Variants in SEC31A observed in about 807,000 individuals in gnomAD.
SEC31A encodes SEC31 homolog A, COPII component, also known as protein transport protein Sec31A.
Under a neutral mutation model 151.0 loss-of-function variants are expected in SEC31A, and 70 were observed. That is an observed-to-expected ratio of 0.46 (90% CI 0.38 to 0.57). The LOEUF (loss-of-function observed/expected upper bound fraction) is 0.57, where lower values mean the gene tolerates loss of function less well. SEC31A is among the 20% of genes least tolerant of loss of function. SEC31A has a pLI of 0.00. For missense variants in SEC31A, 1,330 were observed against 1,471.2 expected, an observed-to-expected ratio of 0.90 and a Z score of 1.57; for synonymous variants, 475 against 505.9, an observed-to-expected ratio of 0.94 and a Z score of 0.82.
chr4:82,864,934 C>G (rs1330852767), intron 10 of SEC31A, among the ~76,000 whole-genome samples: 1 of 152,054 alleles, frequency 6.6e-6, no homozygotes, highest in African/African-American at 2.4e-5. Context: ...GGCCACCATG[C>G]CTGGCTAACT....
chr4:82,886,520 T>A (rs1467811486), intron 1 of SEC31A, among the ~76,000 whole-genome samples: 1 of 152,208 alleles, frequency 6.6e-6, no homozygotes, highest in Non-Finnish European at 1.5e-5. Flanking sequence ...ATTACCACTA[T>A]CATGAGATTA....
intron 10 of SEC31A, among the ~76,000 whole-genome samples, 180 bp from the exon 11 acceptor site, chr4:82,864,778 GTT>G (rs747994924): frequency 1.4e-5 from 2 of 143,796 alleles, no homozygotes; most frequent in Non-Finnish European, 1.5e-5. Flanking sequence ...TGGTTTTTTG[GTT>G]TTTTTTTTTT....
intron 8 of SEC31A, among the ~76,000 whole-genome samples, chr4:82,869,668 C>T (rs183061703): frequency 6.6e-6 from 1 of 151,880 alleles, no homozygotes; most frequent in African/African-American, 2.4e-5. Flanking sequence ...TTTTTTTTCT[C>T]TTGTCTCCCC....
chr4:82,821,131 G>A, intron 25 of SEC31A, 23 bp from the exon 26 acceptor site: 1 of 1,587,500 alleles, frequency 6.3e-7, no homozygotes, highest in Non-Finnish European at 8.6e-7. Context: ...AAAAATAGAT[G>A]TTATATTTGA....
chr4:82,899,051 C>A (rs952578184), intron 3 of SEC31A, among the ~76,000 whole-genome samples: 2 of 152,122 alleles, frequency 1.3e-5, no homozygotes, highest in African/African-American at 4.8e-5. Flanking sequence ...AGTACTGATA[C>A]GTGCTATAAG....
At chr4:82,844,590 G>T in intron 20 of SEC31A, 81 bp from the exon 21 acceptor site, 1 of 1,374,678 alleles carries the variant, frequency 7.3e-7, no homozygotes, top group East Asian at 2.3e-5. Context: ...TCTCTGAAAT[G>T]GAATTCTATG....
chr4:82,824,089 T>C (rs1462395271), intron 25 of SEC31A, among the ~76,000 whole-genome samples: 1 of 152,268 alleles, frequency 6.6e-6, no homozygotes, highest in Non-Finnish European at 1.5e-5. Flanking sequence ...TATTTCTATA[T>C]GTAATGCAAA....
At chr4:82,841,464 A>ATATATATATATATATATATATATATATC (rs1728791414) in intron 22 of SEC31A, among the ~76,000 whole-genome samples, 1 of 124,020 alleles carries the variant, frequency 8.1e-6, no homozygotes, top group Admixed American at 8.8e-5. Flanking sequence ...ATATATATAT[A>ATATATATATATATATATATATATATATC]TATACACACA....
rs759102575 is a variant in SEC31A, at chr4:82,842,227, G to T, written c.2881C>A (p.Pro961Thr). The T allele has an allele frequency of 3.0e-5, 48 of 1,613,150 alleles. No homozygotes were observed. The highest frequency in any genetic ancestry group is 3.9e-5 in the Non-Finnish European group (46 of 1,179,476). ...ASFQHGGPGA[P>T]PSSSAYALPP... ...AGTGCATAAGCTGAAGATGATGGTGGAGCTCCTGGTCCGCCATGCTGGAAG... is the reference window on the plus strand; with the variant it reads ...AGTGCATAAGCTGAAGATGATGGTGTAGCTCCTGGTCCGCCATGCTGGAAG... Residue 961 changes from proline (P) to threonine (T), a missense_variant, in exon 22 of 27, where the codon CCA becomes ACA. Coordinates refer to ENST00000395310, the MANE Select transcript of SEC31A (RefSeq NM_001077207.4).
intron 20 of SEC31A, 74 bp downstream of exon 20, chr4:82,848,730 C>T: frequency 7.5e-7 from 1 of 1,339,972 alleles, no homozygotes; most frequent in Non-Finnish European, 1.0e-6. Flanking sequence ...AGGTCTCCTG[C>T]TGAACAAATG....
intron 21 of SEC31A, chr4:82,844,151 T>C (rs1729524775): frequency 7.5e-6 from 3 of 399,590 alleles, no homozygotes; most frequent in Non-Finnish European, 1.3e-5. Context: ...GTCTTAGTAA[T>C]GGCTGAGGAA....
chr4:82,847,822 A>T (rs372530885), intron 20 of SEC31A, among the ~76,000 whole-genome samples: 1 of 152,338 alleles, frequency 6.6e-6, no homozygotes, highest in South Asian at 2.1e-4. Flanking sequence ...GTCTTAAAAA[A>T]ATATTTGTCA....
At chr4:82,884,696 C>T (rs1264486059) in intron 1 of SEC31A, among the ~76,000 whole-genome samples, 1 of 152,146 alleles carries the variant, frequency 6.6e-6, no homozygotes, top group African/African-American at 2.4e-5. Flanking sequence ...CCTAAAATCC[C>T]CTATGCCTAT....
chr4:82,897,154 T>A lies in SEC31A; in HGVS notation c.-2+2559A>T, dbSNP rs1459833754. Among the ~76,000 whole-genome samples the A allele has an allele frequency of 2.6e-5, 4 of 152,242 alleles. No individual in the cohort carries two copies. In the East Asian group the frequency reaches 7.7e-4, roughly 29 times the overall value. On this transcript the variant is annotated intron_variant, in intron 3 of 28. Transcript: ENST00000355196. ...AAGTCCTAGCACTGCTTCTGATATT[T>A]GGAAACCACTTGTCTAATAACAGAA... is the stretch of plus-strand genomic sequence containing the variant.
In SEC31A at chr4:82,880,188, A is replaced by C. The variant is rs183046034; in HGVS notation, c.203+611T>G. Among the ~76,000 whole-genome samples, 225 of 151,906 alleles carry C rather than the reference A, an allele frequency of 1.5e-3. 2 individuals carry two copies. The highest frequency in any genetic ancestry group is 4.8e-3 in the African/African-American group (197 of 41,422). ...ACAAGAGTGAAACTCCATCTCAAAA[A>C]AAAAACAAAAACAAAAAAAACCACA... On this transcript the variant is annotated intron_variant, in intron 3 of 26. Transcript: ENST00000395310.
intron 23 of SEC31A, among the ~76,000 whole-genome samples, chr4:82,828,691 A>AAAAAAG (rs1725199969): frequency 1.3e-5 from 2 of 150,742 alleles, no homozygotes; most frequent in Non-Finnish European, 3.0e-5. Context: ...AAAAAAAAAA[A>AAAAAAG]AAAAAAGAAA....
chr4:82,851,535 C>T lies in SEC31A; in HGVS notation c.2224G>A (p.Val742Ile), dbSNP rs1247842164. The change falls in exon 19 of 27, where the codon GTA becomes ATA. Residue 742 changes from valine to isoleucine, a missense_variant. Physicochemically the swap from Val to Ile is conservative, Grantham distance 29 (BLOSUM62 3). Coordinates refer to ENST00000395310, the MANE Select transcript of SEC31A (RefSeq NM_001077207.4). ...QLTQAMDTST[V>I]GVLLAAKMSQ... ...ATCTTCGCAGCCAAGAGAACTCCTA[C>T]AGTACTAGTGTCCATGGCTTGAGTG... 1.9e-6 allele frequency: 3 copies of T among 1,613,912 alleles called. No homozygotes were observed. The highest frequency in any genetic ancestry group is 2.5e-6 in the Non-Finnish European group (3 of 1,179,964).
At chr4:82,891,044 C>A (rs1376306277) in intron 1 of SEC31A, 44 bp downstream of exon 1, 10 of 1,535,640 alleles carry the variant, frequency 6.5e-6, no homozygotes, top group Non-Finnish European at 8.7e-6. Context: ...TACCTCAAAG[C>A]TTAAGGACCG....
chr4:82,876,736 A>G (rs1259924469), intron 4 of SEC31A, among the ~76,000 whole-genome samples: 1 of 152,180 alleles, frequency 6.6e-6, no homozygotes, highest in Admixed American at 6.5e-5. Flanking sequence ...TTGTAATATA[A>G]AGTACAGGAA....
Sources: allele counts gnomAD v4.1 joint callset (sites outside exome capture counted in the v4.1 genomes callset), GRCh38; gene constraint gnomAD v4.1.1; transcripts MANE v1.5; gene names NCBI Gene and HGNC (gene_info 2026-07-23, HGNC 2026-07-21).